Variants in RGS6 observed in about 807,000 individuals in gnomAD.
The protein encoded by RGS6 is regulator of G-protein signaling 6.
Under a neutral mutation model 78.5 loss-of-function variants are expected in RGS6, and 30 were observed. That is an observed-to-expected ratio of 0.38 (90% confidence interval 0.29 to 0.52). The LOEUF (loss-of-function observed/expected upper bound fraction) is 0.52. Among genes scored for constraint, RGS6 ranks in the 20% least tolerant of loss-of-function variants. The probability of loss-of-function intolerance (pLI) is 0.85; values close to 1 mark genes in which losing one functional copy is unlikely to be tolerated. For missense variants in RGS6, 495 were observed against 609.7 expected, an observed-to-expected ratio of 0.81 and a Z score of 1.98; for synonymous variants, 206 against 206.0, an observed-to-expected ratio of 1.00 and a Z score of 0.00.
intron 2 of RGS6, among the ~76,000 whole-genome samples, chr14:71,973,338 T>A (rs2093924255): frequency 6.6e-6 from 1 of 151,954 alleles, no homozygotes; most frequent in South Asian, 2.1e-4. Context: ...TGGCTTTTGG[T>A]CTTCAGCACT....
intron 3 of RGS6, among the ~76,000 whole-genome samples, chr14:72,424,901 A>G (rs1566813981): frequency 6.6e-6 from 1 of 152,154 alleles, no homozygotes; most frequent in Non-Finnish European, 1.5e-5. Context: ...ATTTCAGTTT[A>G]CAAACCCTTC....
the RGS6 span, among the ~76,000 whole-genome samples, chr14:71,868,217 G>A: frequency 0.011 from 1,601 of 152,298 alleles, 57 homozygotes; most frequent in Admixed American, 0.077. Context: ...GGCTTGGCAA[G>A]GGTGAGCAGG....
intron 2 of RGS6, among the ~76,000 whole-genome samples, chr14:72,258,898 G>T (rs1179048897): frequency 6.6e-6 from 1 of 152,156 alleles, no homozygotes; most frequent in Non-Finnish European, 1.5e-5. Flanking sequence ...ATGCTTGCTA[G>T]GAATGAGCCA....
intron 2 of RGS6, among the ~76,000 whole-genome samples, chr14:72,247,603 T>C (rs2054553089): frequency 6.6e-6 from 1 of 152,246 alleles, no homozygotes; most frequent in Non-Finnish European, 1.5e-5. Flanking sequence ...GGTTTGAATG[T>C]GTCCCTCGAA....
chr14:72,191,984 T>C (rs577423075), intron 2 of RGS6, among the ~76,000 whole-genome samples: 1 of 152,206 alleles, frequency 6.6e-6, no homozygotes, highest in South Asian at 2.1e-4. Context: ...GTGGGGGTCG[T>C]TAGTGTTTGT....
At chr14:72,531,393 C>A (rs2097180645) in intron 15 of RGS6, among the ~76,000 whole-genome samples, 1 of 146,862 alleles carries the variant, frequency 6.8e-6, no homozygotes, top group South Asian at 2.1e-4. Context: ...GAGGTCACAC[C>A]ACTGCACTGC....
chr14:72,154,951 A>T (rs2096749083), intron 2 of RGS6, among the ~76,000 whole-genome samples: 1 of 152,244 alleles, frequency 6.6e-6, no homozygotes, highest in African/African-American at 2.4e-5. Context: ...GGCACCATTT[A>T]GGAGCGGGCG....
intron 2 of RGS6, among the ~76,000 whole-genome samples, chr14:72,278,534 T>C (rs949914691): frequency 2.0e-5 from 3 of 152,192 alleles, no homozygotes; most frequent in African/African-American, 7.2e-5. Context: ...TGTTGCATGA[T>C]TTGATGCCTG....
rs1305769173 is a variant in RGS6 at position 72,564,388 on chromosome 14, T to C, written c.*1921T>C. 6.6e-6 allele frequency: 1 copy of C among 152,212 alleles called. No homozygotes were observed. The highest frequency in any genetic ancestry group is 1.5e-5 in the Non-Finnish European group (1 of 68,038). 9.4% of individuals were successfully genotyped at this position (152,212 alleles called of 1,614,324 possible). A position where few individuals can be genotyped will look rare whatever the true frequency, so the allele number is the denominator to read the frequency against. On this transcript the variant is annotated 3_prime_UTR_variant, in exon 18 of 18. Coordinates refer to ENST00000553525, the MANE Select transcript of RGS6 (RefSeq NM_001204424.2). Reference sequence around the variant, plus strand: ...AGGCACTAACCACTTGATGAGTAAATCAATGGCATAAAGCCCCATTCCAAG... The same window carrying C: ...AGGCACTAACCACTTGATGAGTAAACCAATGGCATAAAGCCCCATTCCAAG...
chr14:72,339,488 A>G (rs768285276), intron 2 of RGS6, among the ~76,000 whole-genome samples: 1 of 152,198 alleles, frequency 6.6e-6, no homozygotes, highest in Admixed American at 6.5e-5. Context: ...ATTCTGTTGA[A>G]TCCTTTGGTG....
the RGS6 span, among the ~76,000 whole-genome samples, chr14:71,894,103 T>C: frequency 1.3e-5 from 2 of 152,220 alleles, no homozygotes; most frequent in African/African-American, 4.8e-5. Context: ...TTAGTTGATA[T>C]AGAGGCATCT....
chr14:72,604,930 G>A, the RGS6 span, among the ~76,000 whole-genome samples: 1 of 152,174 alleles, frequency 6.6e-6, no homozygotes, highest in Admixed American at 6.5e-5. Context: ...AGAGGGACTC[G>A]GGTTTCTTTC....
At chr14:72,084,668 C>T (rs1486611303) in intron 2 of RGS6, among the ~76,000 whole-genome samples, 1 of 152,002 alleles carries the variant, frequency 6.6e-6, no homozygotes, top group Non-Finnish European at 1.5e-5. Context: ...TTGTGTTTAG[C>T]AATCAATGGG....
At chr14:72,426,898 T>A (rs1443522780) in intron 3 of RGS6, among the ~76,000 whole-genome samples, 2 of 152,234 alleles carry the variant, frequency 1.3e-5, no homozygotes, top group East Asian at 3.9e-4. Flanking sequence ...ACTATGAAAC[T>A]GCCAAGGCTA....
intron 2 of RGS6, among the ~76,000 whole-genome samples, chr14:72,083,756 G>A (rs1000028471): frequency 5.9e-5 from 9 of 152,124 alleles, no homozygotes; most frequent in Non-Finnish European, 1.2e-4. Flanking sequence ...AATTTGAGAA[G>A]GTATTTATAA....
intron 2 of RGS6, among the ~76,000 whole-genome samples, chr14:72,111,508 G>A (rs1410741007): frequency 6.6e-6 from 1 of 152,116 alleles, no homozygotes; most frequent in African/African-American, 2.4e-5. Context: ...GGAAGACAAG[G>A]ATGAGTCATA....
chr14:72,062,927 A>G (rs1439810289), intron 2 of RGS6, among the ~76,000 whole-genome samples: 7 of 152,162 alleles, frequency 4.6e-5, no homozygotes, highest in Non-Finnish European at 1.0e-4. Flanking sequence ...CCCAGGTTCA[A>G]GCATTCGTGC....
At chr14:71,949,148 A>G (rs2091984321) in intron 1 of RGS6, among the ~76,000 whole-genome samples, 2 of 152,154 alleles carry the variant, frequency 1.3e-5, no homozygotes, top group Admixed American at 1.3e-4. Context: ...GTTTTGTGAC[A>G]CACATATGAA....
At chr14:72,323,466 G>T (rs1010416135) in intron 2 of RGS6, among the ~76,000 whole-genome samples, 2 of 151,524 alleles carry the variant, frequency 1.3e-5, no homozygotes, top group Admixed American at 6.6e-5. Context: ...ATCTACAGGG[G>T]TAGATTCTAA....
Sources: allele counts gnomAD v4.1 joint callset (sites outside exome capture counted in the v4.1 genomes callset), GRCh38; gene constraint gnomAD v4.1.1; transcripts MANE v1.5; gene names NCBI Gene and HGNC (gene_info 2026-07-23, HGNC 2026-07-21).